Variants in C9orf85 observed in about 807,000 individuals in gnomAD.
C9orf85 encodes the protein chromosome 9 open reading frame 85.
C9orf85 carries 16 observed loss-of-function variants against 14.9 expected under a neutral mutation model. The ratio of observed to expected loss-of-function variants is 1.08; its 90% CI spans 0.73 to 1.63. The LOEUF is 1.63. Ranked by LOEUF, C9orf85 falls within the 40% of genes most tolerant of loss-of-function variation. The probability of loss-of-function intolerance (pLI) is 0.00; values close to 1 mark genes in which losing one functional copy is unlikely to be tolerated. For synonymous variants in C9orf85, 45 were observed against 56.8 expected (o/e 0.79, Z 0.93); for missense variants, 172 against 186.1 (o/e 0.92, Z 0.44).
At chr9:71,956,597 A>C (rs1822388244) in intron 2 of C9orf85, among the ~76,000 whole-genome samples, 1 of 152,144 alleles carries the variant, frequency 6.6e-6, no homozygotes, top group African/African-American at 2.4e-5. Flanking sequence ...CCAAATTCCA[A>C]ATCCAAAATG....
chr9:71,950,974 C>T (rs1449200824), intron 2 of C9orf85, among the ~76,000 whole-genome samples: 2 of 152,104 alleles, frequency 1.3e-5, no homozygotes, highest in South Asian at 2.1e-4. Flanking sequence ...TTTGTTCGTG[C>T]GATCCAATGC....
At chr9:71,983,577 C>A (rs1197048473), downstream of C9orf85, 1 of 152,178 alleles carries the variant, frequency 6.6e-6, no homozygotes, top group African/African-American at 2.4e-5. Flanking sequence ...ACTCCTGAAG[C>A]CTGAAAGTCT....
intron 1 of C9orf85, among the ~76,000 whole-genome samples, chr9:71,936,138 A>G (rs1002977236): frequency 5.9e-5 from 9 of 152,066 alleles, no homozygotes; most frequent in Non-Finnish European, 1.0e-4. Flanking sequence ...TAATTGAGTG[A>G]TTGCTGTTTG....
At chr9:71,967,476 T>A (rs148231677) in intron 2 of C9orf85, among the ~76,000 whole-genome samples, 1 of 152,302 alleles carries the variant, frequency 6.6e-6, no homozygotes, top group East Asian at 1.9e-4. Flanking sequence ...TTTTCATAAC[T>A]CTTTTGGCTG....
intron 1 of C9orf85, among the ~76,000 whole-genome samples, chr9:71,927,266 CAAAAA>C (rs61679762): frequency 9.4e-6 from 1 of 106,770 alleles, no homozygotes. Context: ...GAAAGTTTGT[CAAAAA>C]AAAAAAAAAA....
At chr9:71,930,194 G>A (rs768031425) in intron 1 of C9orf85, among the ~76,000 whole-genome samples, 2 of 152,048 alleles carry the variant, frequency 1.3e-5, no homozygotes, top group African/African-American at 4.8e-5. Context: ...CTGGACACCT[G>A]ACCAAAGTAC....
At chr9:71,965,085 TAACA>T (rs1219326794) in intron 2 of C9orf85, among the ~76,000 whole-genome samples, 11 of 152,088 alleles carry the variant, frequency 7.2e-5, no homozygotes, top group Admixed American at 2.6e-4. Flanking sequence ...GCTCGAGCAG[TAACA>T]AACAGACCAG....
chr9:71,959,761 A>G (rs543377540), intron 2 of C9orf85, among the ~76,000 whole-genome samples: 5 of 152,306 alleles, frequency 3.3e-5, no homozygotes, highest in African/African-American at 1.2e-4. Context: ...GTGAAAGATA[A>G]TTTACTATAA....
At chr9:71,911,931 T>C in intron 1 of C9orf85, 95 bp downstream of exon 1, 2 of 1,081,556 alleles carry the variant, frequency 1.8e-6, no homozygotes, top group Non-Finnish European at 2.9e-6. Context: ...CTGGGGCGAG[T>C]GTGGACCGCA....
intron 1 of C9orf85, among the ~76,000 whole-genome samples, chr9:71,945,082 A>G (rs996608367): frequency 1.3e-5 from 2 of 152,212 alleles, no homozygotes; most frequent in African/African-American, 4.8e-5. Flanking sequence ...TGTTATATAC[A>G]ATAAAATTGC....
Position 71,956,416 on chromosome 9 carries a change from A to G in C9orf85, c.209+9304A>G, listed in dbSNP as rs537234633. ...AGGCATGCACCACCACGCTCAGCTA[A>G]TTTTGTATTTTTAGTAGAGACGGGG... On this transcript the variant is annotated intron_variant, in intron 2 of 3. Transcript: ENST00000334731. Among the ~76,000 whole-genome samples the G allele has an allele frequency of 2.0e-5, 3 of 151,800 alleles. No homozygotes were observed. In the South Asian group the frequency reaches 6.2e-4, roughly 32 times the overall value.
intron 1 of C9orf85, among the ~76,000 whole-genome samples, chr9:71,918,274 CA>C (rs1827704879): frequency 6.6e-6 from 1 of 152,126 alleles, no homozygotes; most frequent in South Asian, 2.1e-4. Flanking sequence ...GTTGAAGGAA[CA>C]CTAATTATAT....
intron 1 of C9orf85, among the ~76,000 whole-genome samples, chr9:71,938,340 C>T (rs576386348): frequency 2.6e-4 from 39 of 152,052 alleles, no homozygotes; most frequent in Non-Finnish European, 2.5e-4. Context: ...TTTTTACGGA[C>T]GGTAGTAGGA....
chr9:71,969,009 G>A (rs928127479), intron 2 of C9orf85, among the ~76,000 whole-genome samples: 2 of 152,148 alleles, frequency 1.3e-5, no homozygotes, highest in African/African-American at 4.8e-5. Flanking sequence ...GGACGGAGCA[G>A]GTGACCAGGG....
Position 71,971,523 on chromosome 9 carries a change from G to C in C9orf85, c.228G>C (p.Lys76Asn), listed in dbSNP as rs774825282. 5.0e-6 allele frequency: 8 copies of C among 1,593,000 alleles called. No homozygotes were observed. The South Asian group carries it at 9.1e-5, about 18-fold the overall frequency. The part of the protein sequence containing the change: ...KPKKCVKCLQ[K>N]TVKDSYHIMC... Reference sequence around the variant, plus strand: ...ATTTTAGTGTTAAATGTTTACAAAAGACAGTGAAGGATTCTTATCACATAA... The same window carrying C: ...ATTTTAGTGTTAAATGTTTACAAAACACAGTGAAGGATTCTTATCACATAA... The change falls in exon 3 of 4, where the codon AAG (lysine) becomes AAC (asparagine). Residue 76 changes from lysine to asparagine, a missense_variant. By Grantham distance (94) the Lys-to-Asn change is moderately conservative. Coordinates refer to ENST00000334731, the MANE Select transcript of C9orf85 (RefSeq NM_182505.5).
intron 1 of C9orf85, among the ~76,000 whole-genome samples, chr9:71,938,485 CAAT>C (rs1473890785): frequency 9.9e-5 from 15 of 151,874 alleles, no homozygotes; most frequent in African/African-American, 3.6e-4. Context: ...ATAATAGCAA[CAAT>C]GTTTACAAAA....
At chr9:71,982,511 G>A (rs1823114340) in intron 3 of C9orf85, 1 of 312,842 alleles carries the variant, frequency 3.2e-6, no homozygotes, top group Admixed American at 4.8e-5. Flanking sequence ...CTAGAGCTTT[G>A]TGAGGACTCC....
At chr9:71,964,221 C>T (rs368404378) in intron 2 of C9orf85, among the ~76,000 whole-genome samples, 68 of 152,100 alleles carry the variant, frequency 4.5e-4, no homozygotes, top group African/African-American at 1.6e-3. Context: ...GGATTGTAAA[C>T]GCACCAGTCA....
chr9:71,967,197 G>A (rs1300599552), intron 2 of C9orf85, among the ~76,000 whole-genome samples: 2 of 152,134 alleles, frequency 1.3e-5, no homozygotes, highest in African/African-American at 2.4e-5. Context: ...TATAATTCTT[G>A]ATTTTATATT....
Sources: gnomAD v4.1 joint callset for allele counts (sites outside exome capture counted in the v4.1 genomes callset) on GRCh38, gnomAD v4.1.1 for gene constraint, MANE v1.5 for transcripts, NCBI Gene and HGNC (gene_info 2026-07-23, HGNC 2026-07-21) for gene names.